The following ADD2 variants were observed in gnomAD, a reference collection of about 807,000 sequenced individuals.
ADD2 encodes the protein beta-adducin.
In ADD2, 23 loss-of-function variants were observed where a neutral mutation model predicts 83.0. The observed-to-expected ratio is 0.28, with a 90% CI of 0.20 to 0.39. The LOEUF is 0.39. Among genes scored for constraint, ADD2 ranks in the 10% least tolerant of loss-of-function variants. ADD2 has a pLI of 1.00. For missense variants in ADD2, 758 were observed against 944.9 expected (o/e 0.80, Z 2.59); for synonymous variants, 375 against 375.4 (o/e 1.00, Z 0.01).
chr2:70,685,168 G>A (rs1233251518), intron 9 of ADD2, among the ~76,000 whole-genome samples: 5 of 152,088 alleles, frequency 3.3e-5, no homozygotes, highest in African/African-American at 1.2e-4. Flanking sequence ...CTTTAATTAT[G>A]CAAACTTTCA....
chr2:70,753,603 TG>T (rs1223893402), intron 1 of ADD2, among the ~76,000 whole-genome samples: 2 of 147,534 alleles, frequency 1.4e-5, no homozygotes. Context: ...GGTTGGGGGG[TG>T]GGAAGACAGG....
chr2:70,696,048 T>C (rs1363736085), intron 5 of ADD2, among the ~76,000 whole-genome samples, 197 bp downstream of exon 5: 7 of 152,206 alleles, frequency 4.6e-5, no homozygotes, highest in African/African-American at 1.7e-4. Flanking sequence ...CAGGAGTTCC[T>C]TCCCATCCAA....
chr2:70,684,260 TTTTTA>T (rs1670607264), intron 9 of ADD2, among the ~76,000 whole-genome samples: 1 of 152,210 alleles, frequency 6.6e-6, no homozygotes, highest in East Asian at 1.9e-4. Flanking sequence ...TTTTTTTTTA[TTTTTA>T]TTTTGAGACA....
chr2:70,691,239 A>T (rs529248806), intron 7 of ADD2, among the ~76,000 whole-genome samples: 1 of 152,112 alleles, frequency 6.6e-6, no homozygotes, highest in African/African-American at 2.4e-5. Context: ...CCCCCACCTC[A>T]CACACAGCTT....
At chr2:70,672,817 AC>A in intron 15 of ADD2, 60 bp downstream of exon 15, 1 of 1,533,850 alleles carries the variant, frequency 6.5e-7, no homozygotes, top group South Asian at 1.3e-5. Context: ...AAGGCAGGGC[AC>A]CTTCCCAGCC....
intron 4 of ADD2, among the ~76,000 whole-genome samples, chr2:70,703,619 A>C (rs943368004): frequency 2.0e-5 from 3 of 152,228 alleles, no homozygotes; most frequent in Admixed American, 6.5e-5. Flanking sequence ...TGTTCCTAAC[A>C]GAAAAAGTTG....
intron 14 of ADD2, 40 bp downstream of exon 14, chr2:70,674,638 G>A: frequency 5.0e-6 from 8 of 1,594,110 alleles, no homozygotes; most frequent in Non-Finnish European, 6.8e-6. Context: ...CCTCCACCCT[G>A]GGGGACTTGG....
At chr2:70,741,694 T>C (rs529676412) in intron 1 of ADD2, among the ~76,000 whole-genome samples, 2 of 152,190 alleles carry the variant, frequency 1.3e-5, no homozygotes, top group African/African-American at 4.8e-5. Context: ...TGATGACAAC[T>C]CCATCAGCTA....
chr2:70,761,919 C>G (rs1675128071), intron 1 of ADD2, among the ~76,000 whole-genome samples: 1 of 151,586 alleles, frequency 6.6e-6, no homozygotes, highest in Admixed American at 6.6e-5. Context: ...TCTACCCGCC[C>G]TGGCCTCCTG....
At chr2:70,684,622 T>G (rs1670625452) in intron 9 of ADD2, among the ~76,000 whole-genome samples, 1 of 152,198 alleles carries the variant, frequency 6.6e-6, no homozygotes, top group South Asian at 2.1e-4. Context: ...ATTTGTAACC[T>G]CATGGGATGA....
At chr2:70,695,517 A>G (rs1043392460) in intron 6 of ADD2, among the ~76,000 whole-genome samples, 2 of 151,858 alleles carry the variant, frequency 1.3e-5, no homozygotes, top group Non-Finnish European at 2.9e-5. Context: ...CTCCCACTGC[A>G]CTTGCCACCT....
intron 4 of ADD2, 50 bp downstream of exon 4, chr2:70,704,271 C>A: frequency 7.8e-7 from 1 of 1,279,022 alleles, no homozygotes; most frequent in South Asian, 1.4e-5. Context: ...CTTCCCCACC[C>A]CACCCTCCCC....
intron 1 of ADD2, among the ~76,000 whole-genome samples, chr2:70,743,556 G>A (rs1553381461): frequency 6.6e-6 from 1 of 152,144 alleles, no homozygotes; most frequent in Non-Finnish European, 1.5e-5. Context: ...AGAAGAAAAT[G>A]CTCTTTCTTC....
chr2:70,690,837 C>T lies in ADD2; in HGVS notation c.798G>A (p.Glu266=), dbSNP rs1553371420. 1.2e-6 allele frequency: 2 copies of T among 1,614,198 alleles called. No individual in the cohort carries two copies. The highest frequency in any genetic ancestry group is 1.3e-5 in the African/African-American group (1 of 75,070). Residue 266 remains glutamate, a synonymous_variant, in exon 8 of 16, where the codon GAG becomes GAA. Coordinates refer to ENST00000264436, the MANE Select transcript of ADD2 (RefSeq NM_001617.4). ...GCAGGTTGATCCGATCGGCTTCCTG[C>T]TCCATTTCCCCATTGAAGTCATAAT... ...MAYYDFNGEM[E]QEADRINLQK...
intron 8 of ADD2, among the ~76,000 whole-genome samples, chr2:70,689,127 CT>C (rs1670895093): frequency 6.6e-6 from 1 of 152,058 alleles, no homozygotes; most frequent in South Asian, 2.1e-4. Flanking sequence ...AGTCTCTCAG[CT>C]AATTAGGGGA....
intron 7 of ADD2, 123 bp from the exon 8 acceptor site, chr2:70,691,052 T>A: frequency 5.7e-6 from 7 of 1,235,952 alleles, no homozygotes; most frequent in Non-Finnish European, 7.5e-6. Context: ...GGGGTGAGGT[T>A]GGGGAGCAGG....
At chr2:70,696,616 C>T (rs990606641) in intron 4 of ADD2, among the ~76,000 whole-genome samples, 22 of 152,182 alleles carry the variant, frequency 1.4e-4, no homozygotes, top group African/African-American at 4.8e-4. Flanking sequence ...GCTCAAAAAT[C>T]ATGGCAAGTC....
chr2:70,702,538 T>C (rs910281566), intron 4 of ADD2, among the ~76,000 whole-genome samples: 5 of 152,216 alleles, frequency 3.3e-5, no homozygotes, highest in African/African-American at 1.2e-4. Flanking sequence ...TAAGGGTATT[T>C]GTTCCATCAG....
chr2:70,744,746 A>G (rs901762337), intron 1 of ADD2, among the ~76,000 whole-genome samples: 6 of 152,312 alleles, frequency 3.9e-5, no homozygotes, highest in Middle Eastern at 3.4e-3. Flanking sequence ...CTCACACTGA[A>G]AAATAGAATA....
Sources: gnomAD v4.1 joint callset for allele counts (sites outside exome capture counted in the v4.1 genomes callset) on GRCh38, gnomAD v4.1.1 for gene constraint, MANE v1.5 for transcripts, NCBI Gene and HGNC (gene_info 2026-07-23, HGNC 2026-07-21) for gene names.